Variants in ABCA13 observed in about 807,000 individuals in gnomAD.
ABCA13 encodes ATP binding cassette subfamily A member 13.
ABCA13 carries 476 observed loss-of-function variants against 478.7 expected under a neutral mutation model. The ratio of observed to expected loss-of-function variants is 0.99; its 90% CI spans 0.92 to 1.07. ABCA13 has a LOEUF of 1.07. ABCA13 is among the 50% of genes least tolerant of loss of function. The pLI is 0.00. For missense variants in ABCA13, 6,060 were observed against 5,910.6 expected (o/e 1.03, Z -0.83); for synonymous variants, 2,252 against 2,158.9 (o/e 1.04, Z -1.20).
intron 10 of ABCA13, among the ~76,000 whole-genome samples, chr7:48,244,002 A>T (rs1031270066): frequency 6.6e-6 from 1 of 152,168 alleles, no homozygotes; most frequent in Non-Finnish European, 1.5e-5. Flanking sequence ...TCTTCACATT[A>T]TCAAACTCAT....
chr7:48,404,219 G>T (rs1009028932), intron 39 of ABCA13: 12 of 317,432 alleles, frequency 3.8e-5, no homozygotes, highest in African/African-American at 2.2e-4. Flanking sequence ...AGCCTCCCTT[G>T]TCTCAGATGA....
intron 61 of ABCA13, 46 bp downstream of exon 61, chr7:48,644,800 A>T: frequency 6.6e-7 from 1 of 1,511,798 alleles, no homozygotes; most frequent in Non-Finnish European, 8.8e-7. Context: ...TGGTCTGTTC[A>T]TCAGACCTAA....
Position 48,524,249 on chromosome 7 carries a change from G to T in ABCA13, c.14053G>T (p.Gly4685Cys), listed in dbSNP as rs1462002256. ...TTCACTCTGATTTCATCTTCCCAGG[G>T]GTCATTCTACTCTCCAAGGCACAGT... ...LHWDLLRWPR[G>C]HSTLQGTVKS... is the part of the protein sequence containing the mutation. The change falls in exon 54 of 62, where the codon GGT becomes TGT. Residue 4685 changes from glycine to cysteine, a missense_variant and splice_region_variant. This residue lies in a region of ABCA13 where 1,627 missense variants were observed against 1,571.0 expected (regional missense o/e 1.04). Transcript: ENST00000435803. The T allele has an allele frequency of 1.2e-6, 2 of 1,609,940 alleles. No individual in the cohort carries two copies. Among genetic ancestry groups the T allele is most frequent in the African/African-American group, 2.7e-5 (2 of 74,884 alleles).
chr7:48,357,186 T>G (rs1318419039), intron 31 of ABCA13, among the ~76,000 whole-genome samples: 1 of 151,950 alleles, frequency 6.6e-6, no homozygotes. Context: ...AAAATCAGCT[T>G]GATCCACAAC....
At chr7:48,293,938 C>G (rs1798950344) in intron 20 of ABCA13, among the ~76,000 whole-genome samples, 1 of 152,182 alleles carries the variant, frequency 6.6e-6, no homozygotes, top group African/African-American at 2.4e-5. Context: ...GAACAGGAGC[C>G]TCTCAGGCTG....
intron 55 of ABCA13, among the ~76,000 whole-genome samples, chr7:48,554,311 C>T (rs1279094279): frequency 6.6e-6 from 1 of 151,802 alleles, no homozygotes. Context: ...TATTTTGGGT[C>T]TTTTGTGGTT....
intron 42 of ABCA13, among the ~76,000 whole-genome samples, chr7:48,453,800 T>A (rs12540368): frequency 0.18 from 26,671 of 152,082 alleles, 2,619 homozygotes; most frequent in African/African-American, 0.25. Flanking sequence ...CTGGGTTATT[T>A]CTTTACATTT....
chr7:48,289,061 C>T (rs990028504), intron 20 of ABCA13, among the ~76,000 whole-genome samples: 53 of 151,916 alleles, frequency 3.5e-4, no homozygotes, highest in Middle Eastern at 3.2e-3. Flanking sequence ...TAGATGATGC[C>T]GAGAGAGATG....
At chr7:48,401,708 A>G (rs1802512246) in intron 38 of ABCA13, among the ~76,000 whole-genome samples, 1 of 147,474 alleles carries the variant, frequency 6.8e-6, no homozygotes, top group African/African-American at 2.5e-5. Context: ...CCACCCTATC[A>G]TTATTACCTA....
chr7:48,493,397 T>A (rs555462046), intron 48 of ABCA13, among the ~76,000 whole-genome samples: 1 of 152,252 alleles, frequency 6.6e-6, no homozygotes, highest in Non-Finnish European at 1.5e-5. Flanking sequence ...TAAATAAAGA[T>A]ATAAAATAAT....
chr7:48,393,883 C>G (rs1357240819), intron 38 of ABCA13, among the ~76,000 whole-genome samples: 3 of 152,222 alleles, frequency 2.0e-5, no homozygotes. Context: ...GTCACCCCTG[C>G]ATCATGCCTC....
intron 55 of ABCA13, among the ~76,000 whole-genome samples, chr7:48,576,846 G>C (rs931123048): frequency 2.0e-5 from 3 of 151,086 alleles, no homozygotes; most frequent in African/African-American, 7.3e-5. Context: ...CCAAATAACA[G>C]CTTAACAATA....
intron 31 of ABCA13, among the ~76,000 whole-genome samples, chr7:48,365,426 A>G (rs1411247647): frequency 6.6e-6 from 1 of 152,104 alleles, no homozygotes; most frequent in Non-Finnish European, 1.5e-5. Flanking sequence ...TTGATGTAAC[A>G]TCATTTGTCT....
At chr7:48,203,597 G>A (rs193281617) in intron 3 of ABCA13, among the ~76,000 whole-genome samples, 6 of 150,826 alleles carry the variant, frequency 4.0e-5, no homozygotes, top group Admixed American at 1.3e-4. Context: ...TGCCTTTGTT[G>A]GGGGGTTTCC....
At chr7:48,380,790 C>T (rs1244259608) in intron 35 of ABCA13, among the ~76,000 whole-genome samples, 3 of 152,098 alleles carry the variant, frequency 2.0e-5, no homozygotes, top group African/African-American at 7.2e-5. Context: ...CAGGGATAGC[C>T]AGTTCCTAGC....
At chr7:48,344,696 A>G (rs1807783463) in intron 29 of ABCA13, among the ~76,000 whole-genome samples, 1 of 152,096 alleles carries the variant, frequency 6.6e-6, no homozygotes, top group Non-Finnish European at 1.5e-5. Context: ...GCAACCCAAT[A>G]AGAGCTGTGA....
At chr7:48,633,105 G>T (rs1021484153) in intron 59 of ABCA13, among the ~76,000 whole-genome samples, 2 of 152,106 alleles carry the variant, frequency 1.3e-5, no homozygotes, top group African/African-American at 4.8e-5. Flanking sequence ...ACATGTTTAT[G>T]CTTTAAATGA....
At chr7:48,433,432 T>C (rs1176486496) in intron 42 of ABCA13, among the ~76,000 whole-genome samples, 1 of 149,492 alleles carries the variant, frequency 6.7e-6, no homozygotes, top group Non-Finnish European at 1.5e-5. Context: ...AATGTGTTTT[T>C]ATATATGATA....
intron 38 of ABCA13, among the ~76,000 whole-genome samples, chr7:48,400,349 T>C (rs1817432932): frequency 6.6e-6 from 1 of 152,212 alleles, no homozygotes; most frequent in African/African-American, 2.4e-5. Flanking sequence ...AATGGATGAT[T>C]AAAGAGCAGC....
Sources: allele counts gnomAD v4.1 joint callset (sites outside exome capture counted in the v4.1 genomes callset), GRCh38; gene constraint gnomAD v4.1.1; regional missense constraint gnomAD v4.1.1; transcripts MANE v1.5; gene names NCBI Gene and HGNC (gene_info 2026-07-23, HGNC 2026-07-21).